The following PEDS1 variants were observed in gnomAD, a reference collection of about 807,000 sequenced individuals.
The protein encoded by PEDS1 is CarF homolog.
In PEDS1, 14 loss-of-function variants were observed where a neutral mutation model predicts 35.2. The observed-to-expected ratio is 0.40, with a 90% CI of 0.26 to 0.62. The LOEUF is 0.62. Among genes scored for constraint, PEDS1 ranks in the 20% least tolerant of loss-of-function variants. The pLI is 0.44. For missense variants in PEDS1, 260 were observed against 367.8 expected (o/e 0.71, Z 2.40); for synonymous variants, 152 against 152.0 (o/e 1.00, Z 0.00).
chr20:50,145,879 T>C (rs1384764034), intron 1 of PEDS1, among the ~76,000 whole-genome samples: 3 of 152,152 alleles, frequency 2.0e-5, no homozygotes, highest in African/African-American at 7.2e-5. Flanking sequence ...GATGTCCTTT[T>C]GCAGATGAGA....
intron 2 of PEDS1, among the ~76,000 whole-genome samples, chr20:50,135,598 C>T (rs1035105138): frequency 7.7e-6 from 1 of 129,516 alleles, no homozygotes; most frequent in African/African-American, 3.0e-5. Flanking sequence ...GTAGAGGTTG[C>T]GGTGAGCTGA....
intron 2 of PEDS1, among the ~76,000 whole-genome samples, chr20:50,143,036 A>G (rs1304150848): frequency 6.6e-6 from 1 of 151,940 alleles, no homozygotes. Context: ...TGCAGATGAG[A>G]GTGGGGGAGT....
At chr20:50,151,856 C>T (rs1373614791) in intron 1 of PEDS1, among the ~76,000 whole-genome samples, 1 of 152,116 alleles carries the variant, frequency 6.6e-6, no homozygotes, top group African/African-American at 2.4e-5. Context: ...GAGACTCCAT[C>T]TCAAAACAAA....
intron 1 of PEDS1, among the ~76,000 whole-genome samples, chr20:50,144,783 A>G (rs1256700263): frequency 6.6e-6 from 1 of 152,218 alleles, no homozygotes; most frequent in Non-Finnish European, 1.5e-5. Context: ...TGCAAAAAGC[A>G]AAGTGCCAAA....
At chr20:50,126,824 C>T (rs1326979476) in intron 5 of PEDS1, among the ~76,000 whole-genome samples, 1 of 152,232 alleles carries the variant, frequency 6.6e-6, no homozygotes, top group Non-Finnish European at 1.5e-5. Context: ...TTCCCTTCCT[C>T]CACTGCACTG....
intron 3 of PEDS1, among the ~76,000 whole-genome samples, chr20:50,130,546 G>A (rs558678272): frequency 6.6e-6 from 1 of 152,304 alleles, no homozygotes; most frequent in African/African-American, 2.4e-5. Flanking sequence ...GACTAATACA[G>A]GATAAAATGC....
chr20:50,126,758 GTTCACCTCAC>G (rs2081109799), intron 5 of PEDS1, among the ~76,000 whole-genome samples: 1 of 152,174 alleles, frequency 6.6e-6, no homozygotes, highest in Non-Finnish European at 1.5e-5. Flanking sequence ...GAAACTCCCA[GTTCACCTCAC>G]CTCTTTCGCA....
In PEDS1 at chr20:50,128,328, G is replaced by A. The variant is rs1260270031; in HGVS notation, c.479-141C>T. 2.9e-6 allele frequency: 3 copies of A among 1,034,792 alleles called. No homozygotes were observed. The highest frequency in any genetic ancestry group is 1.4e-6 in the Non-Finnish European group (1 of 714,956). The allele number at this position is 1,034,792 out of a possible 1,614,324, so 64.1% of individuals were successfully genotyped here. ...ATTCTCTTCCACCCCCTGCAGGGCC[G>A]CAGGCAAGCTCAGGTGCTGCCCTGG... On this transcript the variant is annotated intron_variant, in intron 4 of 5. Coordinates refer to ENST00000371652, the MANE Select transcript of PEDS1 (RefSeq NM_199129.4). The surrounding 1 kb of genome is among the most constrained non-coding windows in gnomAD (Gnocchi z 5.2).
chr20:50,145,792 C>T (rs2081339397), intron 1 of PEDS1, among the ~76,000 whole-genome samples: 1 of 152,188 alleles, frequency 6.6e-6, no homozygotes, highest in Admixed American at 6.5e-5. Flanking sequence ...GCACAGAAGA[C>T]CTTTAATGAC....
At position 50,121,056 on chromosome 20, in the gene PEDS1, C is replaced by T. The variant is rs1295134765; in HGVS notation, c.*4002G>A. On this transcript the variant is annotated 3_prime_UTR_variant, in exon 6 of 6. Transcript: ENST00000371652. ...GCCTACCTGAAACCAAGCCATCCCACAGCAGCTGGGAGGGAGGCTGCAGGC... is the reference window on the plus strand; with the variant it reads ...GCCTACCTGAAACCAAGCCATCCCATAGCAGCTGGGAGGGAGGCTGCAGGC... 2 of 152,414 alleles carry T rather than the reference C, an allele frequency of 1.3e-5. No homozygotes were observed. The highest frequency in any genetic ancestry group is 2.9e-5 in the Non-Finnish European group (2 of 68,102). The allele number at this position is 152,414 out of a possible 1,614,324, so 9.4% of individuals were successfully genotyped here. A position where few individuals can be genotyped will look rare whatever the true frequency, so the allele number is the denominator to read the frequency against.
intron 2 of PEDS1, among the ~76,000 whole-genome samples, chr20:50,137,627 CT>C (rs1353334149): frequency 6.6e-6 from 1 of 152,196 alleles, no homozygotes; most frequent in Non-Finnish European, 1.5e-5. Context: ...AATCCCAGCA[CT>C]TTAGAAGGCC....
chr20:50,150,615 T>C (rs2081392640), intron 1 of PEDS1, among the ~76,000 whole-genome samples: 2 of 152,190 alleles, frequency 1.3e-5, no homozygotes, highest in Non-Finnish European at 2.9e-5. Flanking sequence ...CCACAGCGCT[T>C]GCCACCACTG....
chr20:50,137,263 G>A (rs1176600115), intron 2 of PEDS1, among the ~76,000 whole-genome samples: 1 of 152,102 alleles, frequency 6.6e-6, no homozygotes, highest in Non-Finnish European at 1.5e-5. Context: ...GAACTCCTGA[G>A]CTCAAGCGAC....
intron 2 of PEDS1, among the ~76,000 whole-genome samples, chr20:50,136,720 C>T (rs1358850438): frequency 8.5e-5 from 4 of 46,976 alleles, no homozygotes; most frequent in Non-Finnish European, 1.5e-4. Flanking sequence ...GAGACTCTGC[C>T]TCAAAAAAAA....
chr20:50,142,251 T>C (rs1385162430), intron 2 of PEDS1, among the ~76,000 whole-genome samples: 1 of 152,080 alleles, frequency 6.6e-6, no homozygotes, highest in Non-Finnish European at 1.5e-5. Context: ...ATTCAAAAAA[T>C]ACTGAGCACC....
chr20:50,141,126 G>A (rs1255400288), intron 2 of PEDS1, among the ~76,000 whole-genome samples: 1 of 152,210 alleles, frequency 6.6e-6, no homozygotes, highest in Non-Finnish European at 1.5e-5. Flanking sequence ...GTAGAGGCCT[G>A]AAACAGCCTG....
Position 50,128,213 on chromosome 20 carries a change from GGCACA to G in PEDS1, c.479-31_479-27del. On this transcript the variant is annotated intron_variant, in intron 4 of 5. Coordinates refer to ENST00000371652, the MANE Select transcript of PEDS1 (RefSeq NM_199129.4). This position sits in a 1 kb window ranked among gnomAD's most constrained non-coding sequence, Gnocchi z 5.2. ...CTGCAGGTTGGGGAGAGGGGGGGCC[GGCACA>G]GCTGTCACTCGGGACGGGGAACCCA... 1 of 1,612,310 alleles carries G rather than the reference GGCACA, an allele frequency of 6.2e-7. No homozygotes were observed. The highest frequency in any genetic ancestry group is 8.5e-7 in the Non-Finnish European group (1 of 1,179,264).
In PEDS1 at chr20:50,142,583, C is replaced by T. The variant is rs565960962; in HGVS notation, c.241+919G>A. On this transcript the variant is annotated intron_variant, in intron 2 of 5. Transcript: ENST00000371652. The stretch of plus-strand genomic sequence containing the variant: ...CTCCCAAGTAGCTGGGACCTACAGG[C>T]GCCTGCCACCACGGCCGGCTAATTT... Among the ~76,000 whole-genome samples the T allele has an allele frequency of 1.4e-4, 21 of 151,848 alleles. No individual in the cohort carries two copies. In the East Asian group the frequency reaches 1.9e-3, roughly 14 times the overall value.
intron 2 of PEDS1, among the ~76,000 whole-genome samples, chr20:50,136,449 C>T (rs1392977450): frequency 1.3e-5 from 2 of 152,070 alleles, no homozygotes; most frequent in African/African-American, 2.4e-5. Flanking sequence ...GGAGGCTGGG[C>T]GCAGGGCTCA....
Sources: allele counts gnomAD v4.1 joint callset (sites outside exome capture counted in the v4.1 genomes callset), GRCh38; gene constraint gnomAD v4.1.1; non-coding constraint Gnocchi (gnomAD v3.1); transcripts MANE v1.5; gene names NCBI Gene and HGNC (gene_info 2026-07-23, HGNC 2026-07-21).